Variants in CLEC16A observed in about 807,000 individuals in gnomAD.
CLEC16A encodes C-type lectin domain containing 16A.
In CLEC16A, 51 loss-of-function variants were observed where a neutral mutation model predicts 109.5. The ratio of observed to expected loss-of-function variants is 0.47; its 90% CI spans 0.37 to 0.59. The LOEUF (loss-of-function observed/expected upper bound fraction) is 0.59. Ranked by LOEUF, CLEC16A falls within the 20% of genes least tolerant of loss-of-function variation. The probability of loss-of-function intolerance (pLI) is 0.00; values close to 1 mark genes in which losing one functional copy is unlikely to be tolerated. For synonymous variants in CLEC16A, 673 were observed against 564.2 expected, an observed-to-expected ratio of 1.19 and a Z score of -2.73; for missense variants, 1,339 against 1,394.0, an observed-to-expected ratio of 0.96 and a Z score of 0.63.
intron 18 of CLEC16A, 112 bp downstream of exon 18, chr16:11,051,753 C>G: frequency 7.4e-7 from 1 of 1,359,002 alleles, no homozygotes; most frequent in Non-Finnish European, 1.0e-6. Flanking sequence ...CTCAACACAG[C>G]TTAGACAGTG....
intron 22 of CLEC16A, among the ~76,000 whole-genome samples, chr16:11,133,003 C>G (rs1236271951): frequency 6.6e-6 from 1 of 152,110 alleles, no homozygotes; most frequent in Non-Finnish European, 1.5e-5. Context: ...TGTGAGCTGG[C>G]AAGTTGGACT....
At chr16:10,991,952 C>T (rs1431757841) in intron 10 of CLEC16A, among the ~76,000 whole-genome samples, 1 of 152,160 alleles carries the variant, frequency 6.6e-6, no homozygotes, top group Non-Finnish European at 1.5e-5. Flanking sequence ...CAGTGCAGCT[C>T]TCATCCCTGG....
At position 11,106,456 on chromosome 16, in the gene CLEC16A, A is replaced by ATTTT. The variant is rs538713695; in HGVS notation, c.2117-14141_2117-14138dup. On this transcript the variant is annotated intron_variant, in intron 19 of 23. Transcript: ENST00000409790. ...GGTGTGAGCCACCACACCCAGCCCAATTTTTTTTTTTTTTTTTTTTTAGAT... is the reference window on the plus strand; with the variant it reads ...GGTGTGAGCCACCACACCCAGCCCAATTTTTTTTTTTTTTTTTTTTTTTTTAGAT... 8.2e-5 allele frequency among the ~76,000 whole-genome samples: 11 copies of ATTTT among 133,554 alleles called. 1 individual carries two copies. The highest frequency in any genetic ancestry group is 2.1e-4 in the East Asian group (1 of 4,674). 87.6% of individuals were successfully genotyped at this position (133,554 alleles called of 152,430 possible).
In CLEC16A at chr16:11,174,284, C is replaced by T. The variant is rs1300334746; in HGVS notation, c.2807-4051C>T. On this transcript the variant is annotated intron_variant, in intron 23 of 23. Coordinates refer to ENST00000409790, the MANE Select transcript of CLEC16A (RefSeq NM_015226.3). The surrounding 1 kb of genome is among the most constrained non-coding windows in gnomAD (Gnocchi z 4.7). ...TCACGCACAGTCAATTCAGGCAGGT[C>T]TCCCCTGTGAGCCGCTCGGGCCGCG... is the stretch of plus-strand genomic sequence containing the variant. 2.2e-6 allele frequency: 1 copy of T among 459,554 alleles called. No individual in the cohort carries two copies. Among genetic ancestry groups the T allele is most frequent in the Non-Finnish European group, 4.5e-6 (1 of 224,366 alleles). 28.5% of individuals were successfully genotyped at this position (459,554 alleles called of 1,614,324 possible).
At chr16:11,025,020 T>C in intron 13 of CLEC16A, 99 bp downstream of exon 13, 1 of 888,372 alleles carries the variant, frequency 1.1e-6, no homozygotes, top group Non-Finnish European at 1.8e-6. Context: ...GTGCTTTCTG[T>C]ACAGAATTTC....
At chr16:11,110,316 G>T (rs934573515) in intron 19 of CLEC16A, among the ~76,000 whole-genome samples, 1 of 152,194 alleles carries the variant, frequency 6.6e-6, no homozygotes, top group African/African-American at 2.4e-5. Flanking sequence ...GGACAGGGAT[G>T]CTTCAACACA....
intron 10 of CLEC16A, among the ~76,000 whole-genome samples, chr16:10,995,276 A>G (rs932252430): frequency 6.6e-6 from 1 of 152,024 alleles, no homozygotes; most frequent in African/African-American, 2.4e-5. Context: ...TATAGAGGAG[A>G]AGGTAGGAAG....
chr16:11,123,624 G>A, intron 20 of CLEC16A, 118 bp from the exon 21 acceptor site: 2 of 982,628 alleles, frequency 2.0e-6, no homozygotes, highest in Non-Finnish European at 3.1e-6. Context: ...GTCGATCTTA[G>A]ATCAAAAGCA....
intron 19 of CLEC16A, among the ~76,000 whole-genome samples, chr16:11,114,155 G>A (rs919886250): frequency 6.6e-6 from 1 of 150,910 alleles, no homozygotes; most frequent in Non-Finnish European, 1.5e-5. Flanking sequence ...GTGTGTGTGT[G>A]TGTGTGTGTG....
chr16:10,997,680 C>T (rs776388376), intron 10 of CLEC16A, among the ~76,000 whole-genome samples: 1 of 152,160 alleles, frequency 6.6e-6, no homozygotes, highest in Admixed American at 6.5e-5. Context: ...GTGATGTAGA[C>T]GCAGGTAGAG....
intron 19 of CLEC16A, among the ~76,000 whole-genome samples, chr16:11,080,089 C>T (rs2064921420): frequency 6.6e-6 from 1 of 152,242 alleles, no homozygotes; most frequent in African/African-American, 2.4e-5. Context: ...ACACAAGATC[C>T]AGACTGCAGA....
At chr16:11,066,735 G>A (rs1330680781) in intron 19 of CLEC16A, 1 of 152,204 alleles carries the variant, frequency 6.6e-6, no homozygotes, top group Non-Finnish European at 1.5e-5. Context: ...CATGTGGTGT[G>A]TAAGGGAAGT....
At chr16:11,018,935 A>G (rs2045929657) in intron 11 of CLEC16A, among the ~76,000 whole-genome samples, 1 of 152,034 alleles carries the variant, frequency 6.6e-6, no homozygotes, top group South Asian at 2.1e-4. Flanking sequence ...GGAGTTTTGA[A>G]CAGAGGAGTG....
chr16:11,159,658 C>T (rs1206968714), intron 22 of CLEC16A, among the ~76,000 whole-genome samples: 2 of 152,190 alleles, frequency 1.3e-5, no homozygotes, highest in Non-Finnish European at 1.5e-5. Flanking sequence ...AAGACATGCC[C>T]CAGGAGGGTT....
rs764940483 is a variant in CLEC16A at position 11,126,066 on chromosome 16, G to A, written c.2561G>A (p.Arg854His). 1.1e-5 allele frequency: 18 copies of A among 1,613,896 alleles called. No individual in the cohort carries two copies. In the Middle Eastern group the frequency reaches 4.9e-4, roughly 44 times the overall value. ...ACCTCCACTCAGCACCTGCCTTTCCGCTTCTACGACCAGGGGCGCCGGGGC... is the reference window on the plus strand; with the variant it reads ...ACCTCCACTCAGCACCTGCCTTTCCACTTCTACGACCAGGGGCGCCGGGGC... ...SSTSTQHLPFRFYDQGRRGSS... is the reference protein window; with the variant it reads ...SSTSTQHLPFHFYDQGRRGSS... The change falls in exon 22 of 24, where the codon CGC becomes CAC. Residue 854 changes from arginine to histidine, a missense_variant. By Grantham distance (29) the Arg-to-His change is conservative. Around this residue, in one of 3 missense-constraint regions of CLEC16A, gnomAD observed 1,061 missense variants for 1,006.8 expected, o/e 1.05. Transcript: ENST00000409790.
chr16:11,111,008 G>T (rs138386391), intron 19 of CLEC16A, among the ~76,000 whole-genome samples: 1 of 152,082 alleles, frequency 6.6e-6, no homozygotes, highest in Admixed American at 6.6e-5. Context: ...CCTTCATTCT[G>T]CTAAATACTT....
At chr16:11,162,208 G>A (rs900922479) in intron 22 of CLEC16A, among the ~76,000 whole-genome samples, 4 of 152,220 alleles carry the variant, frequency 2.6e-5, no homozygotes, top group African/African-American at 4.8e-5. Flanking sequence ...TCTGGGCTGC[G>A]CCCCCCGACC....
Position 10,969,285 on chromosome 16 carries a change from C to T in CLEC16A, c.468C>T (p.His156=). 1 of 1,611,312 alleles carries T rather than the reference C, an allele frequency of 6.2e-7. No individual in the cohort carries two copies. Among genetic ancestry groups the T allele is most frequent in the Non-Finnish European group, 8.5e-7 (1 of 1,178,726 alleles). Residue 156 remains histidine (H), a synonymous_variant, in exon 4 of 24, where the codon CAC becomes CAT. Transcript: ENST00000409790. ...LKTLSLKLNN[H]TVHFFYNEHT... is the part of the protein sequence containing the mutation. ...CACTTTCGTTAAAACTCAACAACCA[C>T]ACTGTCCATTTCTTTTATAATGAGG...
chr16:11,011,309 T>C (rs1362478658), intron 11 of CLEC16A, among the ~76,000 whole-genome samples: 1 of 152,240 alleles, frequency 6.6e-6, no homozygotes, highest in African/African-American at 2.4e-5. Flanking sequence ...CATTCTGTTG[T>C]AAGCAAGACC....
Sources: gnomAD v4.1 joint callset for allele counts (sites outside exome capture counted in the v4.1 genomes callset) on GRCh38, gnomAD v4.1.1 for gene constraint, gnomAD v4.1.1 regional missense constraint, Gnocchi (gnomAD v3.1) non-coding constraint, MANE v1.5 for transcripts, NCBI Gene and HGNC (gene_info 2026-07-23, HGNC 2026-07-21) for gene names.